The following USH2A variants were observed in gnomAD, a reference collection of about 807,000 sequenced individuals.
The protein encoded by USH2A is usherin, also known as Usher syndrome 2A (autosomal recessive, mild).
In USH2A, 443 loss-of-function variants were observed where a neutral mutation model predicts 538.9. That is an observed-to-expected ratio of 0.82 (90% CI 0.76 to 0.89). The LOEUF is 0.89. Ranked by LOEUF, USH2A falls within the 40% of genes least tolerant of loss-of-function variation. The pLI is 0.00. For synonymous variants in USH2A, 2,413 were observed against 2,273.5 expected (o/e 1.06, Z -1.75); for missense variants, 6,633 against 6,324.8 (o/e 1.05, Z -1.65).
intron 19 of USH2A, among the ~76,000 whole-genome samples, chr1:216,193,412 TC>T (rs1322550663): frequency 3.3e-5 from 5 of 152,122 alleles, no homozygotes; most frequent in Admixed American, 1.3e-4. Context: ...CTCTTCTTTT[TC>T]ATCAGTATAG....
intron 9 of USH2A, among the ~76,000 whole-genome samples, chr1:216,305,731 T>C (rs1042815516): frequency 6.6e-6 from 1 of 152,188 alleles, no homozygotes; most frequent in Non-Finnish European, 1.5e-5. Flanking sequence ...TAAACATTTG[T>C]TTGTCGGAAA....
chr1:215,901,284 A>G lies in USH2A; in HGVS notation c.7301-379T>C, dbSNP rs1173845741. 10 of 326,444 alleles carry G rather than the reference A, an allele frequency of 3.1e-5. No homozygotes were observed. The East Asian group carries it at 5.6e-4, about 18-fold the overall frequency. 20.2% of individuals were successfully genotyped at this position (326,444 alleles called of 1,614,324 possible). The stretch of plus-strand genomic sequence containing the variant: ...AAACAATTGAACACTGAAGCAGTCC[A>G]GATCTCATATTCTTCCCCCCGATAT... On this transcript the variant is annotated intron_variant, in intron 38 of 71. Coordinates refer to ENST00000307340, the MANE Select transcript of USH2A (RefSeq NM_206933.4).
chr1:215,882,712 A>G (rs1446493749), intron 41 of USH2A, among the ~76,000 whole-genome samples: 1 of 152,088 alleles, frequency 6.6e-6, no homozygotes, highest in Non-Finnish European at 1.5e-5. Context: ...CTTTTCACAG[A>G]AAAAAAGTTC....
At chr1:215,826,699 T>G (rs756494078) in intron 47 of USH2A, among the ~76,000 whole-genome samples, 14 of 152,162 alleles carry the variant, frequency 9.2e-5, no homozygotes, top group Admixed American at 2.6e-4. Context: ...GAGGGAAGGA[T>G]AGCCAAAACA....
chr1:216,142,311 T>C (rs957159470), intron 21 of USH2A, among the ~76,000 whole-genome samples: 5 of 152,162 alleles, frequency 3.3e-5, no homozygotes, highest in African/African-American at 1.2e-4. Flanking sequence ...AATACCAAAG[T>C]GCTGAGTTTA....
At chr1:216,050,817 G>C (rs189610948) in intron 30 of USH2A, among the ~76,000 whole-genome samples, 1,618 of 151,460 alleles carry the variant, frequency 0.011, 30 homozygotes, top group African/African-American at 0.037. Flanking sequence ...GTGTTAGCCA[G>C]GATGGTCTCG....
chr1:215,836,466 A>ATATATATATATATATATAT (rs1663491483), intron 47 of USH2A, among the ~76,000 whole-genome samples: 1 of 8,722 alleles, frequency 1.1e-4, no homozygotes, highest in African/African-American at 4.4e-4. Context: ...TATATATATT[A>ATATATATATATATATATAT]TATATATATA....
At chr1:215,869,492 A>G (rs1458426150) in intron 43 of USH2A, among the ~76,000 whole-genome samples, 1 of 152,218 alleles carries the variant, frequency 6.6e-6, no homozygotes, top group African/African-American at 2.4e-5. Flanking sequence ...AATATGAAGG[A>G]TGATGAGTCG....
At chr1:215,815,847 C>G (rs1356876881) in intron 48 of USH2A, among the ~76,000 whole-genome samples, 3 of 152,002 alleles carry the variant, frequency 2.0e-5, no homozygotes, top group Non-Finnish European at 4.4e-5. Context: ...TGAAACTTAT[C>G]AAATCCATTA....
intron 3 of USH2A, among the ~76,000 whole-genome samples, chr1:216,392,673 G>A (rs2039131877): frequency 6.6e-6 from 1 of 151,778 alleles, no homozygotes. Flanking sequence ...TTAAAAAAAA[G>A]TGAGCAGACA....
chr1:216,362,117 C>T (rs932379793), intron 4 of USH2A, among the ~76,000 whole-genome samples: 4 of 152,076 alleles, frequency 2.6e-5, no homozygotes, highest in Admixed American at 1.3e-4. Flanking sequence ...ATCTTGCATA[C>T]ATGTTTTATT....
At chr1:216,107,651 G>T in intron 21 of USH2A, among the ~76,000 whole-genome samples, 1 of 147,828 alleles carries the variant, frequency 6.8e-6, no homozygotes, top group East Asian at 2.0e-4. Context: ...TTACCATCTT[G>T]CTATTTGAAT....
chr1:216,030,680 A>G (rs1203589520), intron 32 of USH2A, among the ~76,000 whole-genome samples: 1 of 149,036 alleles, frequency 6.7e-6, no homozygotes, highest in Non-Finnish European at 1.5e-5. Context: ...TGATAATATC[A>G]AATATACTGT....
intron 47 of USH2A, among the ~76,000 whole-genome samples, chr1:215,836,118 A>G (rs776281425): frequency 6.6e-6 from 1 of 151,982 alleles, no homozygotes; most frequent in Non-Finnish European, 1.5e-5. Flanking sequence ...ACTATGAGGC[A>G]TATTCTGTTA....
At chr1:216,184,325 T>C (rs569474674) in intron 20 of USH2A, among the ~76,000 whole-genome samples, 23 of 152,110 alleles carry the variant, frequency 1.5e-4, no homozygotes, top group Middle Eastern at 3.4e-3. Context: ...TGATTTTTTT[T>C]CCCCACTTTC....
intron 9 of USH2A, among the ~76,000 whole-genome samples, chr1:216,301,212 G>A (rs1381979928): frequency 6.6e-6 from 1 of 152,078 alleles, no homozygotes; most frequent in Non-Finnish European, 1.5e-5. Context: ...GAAAAAAGAA[G>A]GAAGAAAAAT....
At chr1:215,713,928 T>C (rs1659410066) in intron 61 of USH2A, among the ~76,000 whole-genome samples, 2 of 152,226 alleles carry the variant, frequency 1.3e-5, no homozygotes, top group Admixed American at 1.3e-4. Flanking sequence ...ACTCTGCAGC[T>C]AGCTGTGTGA....
Position 215,844,474 on chromosome 1 carries a change from T to C in USH2A, c.9078A>G (p.Pro3026=), listed in dbSNP as rs372161373. Reference sequence around the variant, plus strand: ...CTGTACTGTTGATGATGACAACCTCTGGAGGAAGCATGCCCTGAGGCTCTA... The same window carrying C: ...CTGTACTGTTGATGATGACAACCTCCGGAGGAAGCATGCCCTGAGGCTCTA... ...CDGEPQGMLP[P]EVVIINSTAV... The change falls in exon 46 of 72, where the codon CCA becomes CCG. Residue 3026 remains proline, a synonymous_variant. Coordinates refer to ENST00000307340, the MANE Select transcript of USH2A (RefSeq NM_206933.4). 4 of 1,610,914 alleles carry C rather than the reference T, an allele frequency of 2.5e-6. No homozygotes were observed. Among genetic ancestry groups the C allele is most frequent in the Non-Finnish European group, 2.5e-6 (3 of 1,179,834 alleles).
At chr1:216,257,782 A>G (rs185706313) in intron 11 of USH2A, among the ~76,000 whole-genome samples, 11 of 152,118 alleles carry the variant, frequency 7.2e-5, no homozygotes, top group Admixed American at 5.2e-4. Flanking sequence ...TTATATTGCT[A>G]TGACTTCAAG....
Sources: gnomAD v4.1 joint callset for allele counts (sites outside exome capture counted in the v4.1 genomes callset) on GRCh38, gnomAD v4.1.1 for gene constraint, MANE v1.5 for transcripts, NCBI Gene and HGNC (gene_info 2026-07-23, HGNC 2026-07-21) for gene names.